The following PCDH15 variants were observed in gnomAD, a reference collection of about 807,000 sequenced individuals.
The protein encoded by PCDH15 is protocadherin-15.
A neutral mutation model predicts 178.5 loss-of-function variants in PCDH15; 129 were observed. The ratio of observed to expected loss-of-function variants is 0.72; its 90% CI spans 0.63 to 0.84. The LOEUF is 0.84. Among genes scored for constraint, PCDH15 ranks in the 40% least tolerant of loss-of-function variants. The pLI, the probability that PCDH15 is intolerant of heterozygous loss-of-function variation, is 0.00. For missense variants in PCDH15, 2,230 were observed against 2,099.9 expected, an observed-to-expected ratio of 1.06 and a Z score of -1.21; for synonymous variants, 800 against 732.0, an observed-to-expected ratio of 1.09 and a Z score of -1.50.
intron 1 of PCDH15, among the ~76,000 whole-genome samples, chr10:54,745,974 T>C (rs1945408008): frequency 6.6e-6 from 1 of 152,194 alleles, no homozygotes; most frequent in East Asian, 1.9e-4. Flanking sequence ...AGTCAAAATC[T>C]CCTTCCTGAA....
chr10:54,953,794 C>T (rs2131877133), intron 2 of PCDH15, among the ~76,000 whole-genome samples: 1 of 151,216 alleles, frequency 6.6e-6, no homozygotes, highest in South Asian at 2.1e-4. Context: ...GATATTAAAA[C>T]TGTATATTAA....
intron 1 of PCDH15, among the ~76,000 whole-genome samples, chr10:54,731,699 A>G (rs1172151614): frequency 6.6e-6 from 1 of 150,642 alleles, no homozygotes; most frequent in Non-Finnish European, 1.5e-5. Flanking sequence ...TTAGCCAGGC[A>G]CAGAAAGACA....
intron 1 of PCDH15, among the ~76,000 whole-genome samples, chr10:55,305,132 T>C (rs1843387300): frequency 6.6e-6 from 1 of 152,158 alleles, no homozygotes; most frequent in African/African-American, 2.4e-5. Context: ...AACATTCTGA[T>C]CTATCTATCC....
chr10:54,567,861 C>A (rs2089267479), intron 2 of PCDH15, among the ~76,000 whole-genome samples: 1 of 152,146 alleles, frequency 6.6e-6, no homozygotes, highest in Admixed American at 6.6e-5. Flanking sequence ...CATAGAAGGC[C>A]TTCCTGCTGT....
chr10:54,712,154 A>G (rs142535264), intron 1 of PCDH15, among the ~76,000 whole-genome samples: 2 of 152,012 alleles, frequency 1.3e-5, no homozygotes, highest in East Asian at 3.9e-4. Context: ...TTAATTATCA[A>G]TTCTTTTCCT....
At chr10:54,023,678 T>G (rs1294040413) in intron 18 of PCDH15, among the ~76,000 whole-genome samples, 1 of 120,590 alleles carries the variant, frequency 8.3e-6, no homozygotes, top group East Asian at 2.1e-4. Context: ...TATGTTATGC[T>G]GTTATTTATG....
chr10:55,310,050 C>T (rs904004021), intron 1 of PCDH15, among the ~76,000 whole-genome samples: 1 of 152,092 alleles, frequency 6.6e-6, no homozygotes, highest in African/African-American at 2.4e-5. Context: ...TCCATGGCTA[C>T]ATTTATTTTC....
At position 54,143,231 on chromosome 10, in the gene PCDH15, T is replaced by C. The variant is rs148553926; in HGVS notation, c.1784+9869A>G. On this transcript the variant is annotated intron_variant, in intron 14 of 37. Coordinates refer to ENST00000644397, the MANE Select transcript of PCDH15 (RefSeq NM_001384140.1). ...TGGGTTGTTAAAATGTGTTTGAGGA[T>C]TATATGAGATTCCTGTAATTCTGAT... is the stretch of plus-strand genomic sequence containing the variant. Among the ~76,000 whole-genome samples the C allele has an allele frequency of 1.3e-4, 20 of 152,312 alleles. 1 individual carries two copies. In the East Asian group the frequency reaches 3.9e-3, roughly 29 times the overall value.
chr10:53,810,579 C>T lies in PCDH15; in HGVS notation c.4648G>A (p.Glu1550Lys). The T allele has an allele frequency of 6.2e-7, 1 of 1,613,776 alleles. No individual in the cohort carries two copies. The highest frequency in any genetic ancestry group is 8.5e-7 in the Non-Finnish European group (1 of 1,179,802). Residue 1550 changes from glutamate to lysine, a missense_variant, in exon 37 of 38, where the codon GAG (glutamate) becomes AAG (lysine). Physicochemically the swap from Glu to Lys is moderately conservative, Grantham distance 56. Coordinates refer to ENST00000644397, the MANE Select transcript of PCDH15 (RefSeq NM_001384140.1). ...ACCTCTTCCTCCTCATATTCTTCCTCAGCTTCACCAACCACCTCACCATAT... is the reference window on the plus strand; with the variant it reads ...ACCTCTTCCTCCTCATATTCTTCCTTAGCTTCACCAACCACCTCACCATAT... The part of the protein sequence containing the change: ...EEYGEVVGEA[E>K]EEYEEEEWAR...
In PCDH15 at chr10:55,463,098, GA is replaced by G. The variant is rs550045259; in HGVS notation, c.-156+164526del. ...ATATAGGAAAGGTCAGGATCCAAGA[GA>G]AAAAAAAAAAAACAAAAACAACCAA... On this transcript the variant is annotated intron_variant, in intron 2 of 5. Transcript: ENST00000613346. 3.3e-3 allele frequency among the ~76,000 whole-genome samples: 320 copies of G among 96,454 alleles called. 1 individual carries two copies. Among genetic ancestry groups the G allele is most frequent in the East Asian group, 8.6e-3 (28 of 3,254 alleles). The allele number at this position is 96,454 out of a possible 152,430, so 63.3% of individuals were successfully genotyped here.
chr10:54,231,936 C>A (rs1393721765), intron 9 of PCDH15, among the ~76,000 whole-genome samples: 5 of 152,108 alleles, frequency 3.3e-5, no homozygotes, highest in Non-Finnish European at 7.4e-5. Context: ...AAGGGACTTG[C>A]CTTGTCTCAG....
intron 2 of PCDH15, among the ~76,000 whole-genome samples, chr10:54,928,601 T>A (rs1285046294): frequency 6.6e-6 from 1 of 152,172 alleles, no homozygotes; most frequent in Non-Finnish European, 1.5e-5. Flanking sequence ...GGTCTCTACA[T>A]AATTCCATAT....
At chr10:54,895,321 C>T (rs1322727793) in intron 3 of PCDH15, among the ~76,000 whole-genome samples, 1 of 152,126 alleles carries the variant, frequency 6.6e-6, no homozygotes, top group African/African-American at 2.4e-5. Flanking sequence ...CCTACTACCA[C>T]TCAGGCAGTA....
chr10:54,201,252 T>A (rs1412212182), intron 10 of PCDH15, among the ~76,000 whole-genome samples: 2 of 152,154 alleles, frequency 1.3e-5, no homozygotes, highest in Admixed American at 1.3e-4. Context: ...AAATATTCTA[T>A]GTTAGTAAAC....
At chr10:54,705,222 C>A (rs2095353586) in intron 1 of PCDH15, among the ~76,000 whole-genome samples, 1 of 151,886 alleles carries the variant, frequency 6.6e-6, no homozygotes, top group South Asian at 2.1e-4. Flanking sequence ...ATAATTATTA[C>A]CTTGGGTATG....
chr10:53,831,023 T>G (rs548092737), intron 30 of PCDH15: 20 of 569,902 alleles, frequency 3.5e-5, no homozygotes, highest in Non-Finnish European at 6.5e-5. Context: ...CCAAGTTGGC[T>G]CTTAAACAAA....
chr10:54,714,867 T>A (rs74860224), intron 1 of PCDH15, among the ~76,000 whole-genome samples: 8,506 of 152,238 alleles, frequency 0.056, 358 homozygotes, highest in South Asian at 0.15. Flanking sequence ...ATAACTTCTA[T>A]CTTTGTGGTA....
rs78903626 is a variant in PCDH15 at position 53,863,348 on chromosome 10, G to T, written c.3717+3294C>A. ...CTGAGAAGGAGTAAACAGTGAGATA[G>T]TAGGACAAGGGAGTATGGTGGGTGG... On this transcript the variant is annotated intron_variant, in intron 27 of 37. Coordinates refer to ENST00000644397, the MANE Select transcript of PCDH15 (RefSeq NM_001384140.1). 8.7e-4 allele frequency among the ~76,000 whole-genome samples: 132 copies of T among 152,274 alleles called. 1 individual carries two copies. Among genetic ancestry groups the T allele is most frequent in the African/African-American group, 3.0e-3 (123 of 41,562 alleles).
intron 3 of PCDH15, among the ~76,000 whole-genome samples, chr10:54,895,417 C>G (rs767447948): frequency 5.9e-5 from 9 of 152,250 alleles, no homozygotes; most frequent in Non-Finnish European, 1.3e-4. Flanking sequence ...CTTCATTGTA[C>G]TATACTCAGA....
Sources: allele counts gnomAD v4.1 joint callset (sites outside exome capture counted in the v4.1 genomes callset), GRCh38; gene constraint gnomAD v4.1.1; transcripts MANE v1.5; gene names NCBI Gene and HGNC (gene_info 2026-07-23, HGNC 2026-07-21).